The following KREMEN1 variants were observed in gnomAD, a reference collection of about 807,000 sequenced individuals.
The protein encoded by KREMEN1 is kremen protein 1.
A neutral mutation model predicts 46.5 loss-of-function variants in KREMEN1; 30 were observed. That is an observed-to-expected ratio of 0.65 (90% CI 0.48 to 0.88). KREMEN1 has a LOEUF of 0.88. Among genes scored for constraint, KREMEN1 ranks in the 40% least tolerant of loss-of-function variants. KREMEN1 has a pLI of 0.00. For synonymous variants in KREMEN1, 214 were observed against 230.6 expected (o/e 0.93, Z 0.65); for missense variants, 533 against 596.9 (o/e 0.89, Z 1.11).
chr22:29,143,242 C>T lies in KREMEN1; in HGVS notation c.*1130C>T. ...AGCTTTTATGGGCACTCAGTAAGTA[C>T]TCAGGATTGGCTTTATCAGCCTTGC... On this transcript the variant is annotated 3_prime_UTR_variant, in exon 9 of 9. Transcript: ENST00000400335. The T allele has an allele frequency of 2.0e-6, 2 of 985,452 alleles. No homozygotes were observed. The highest frequency in any genetic ancestry group is 2.4e-6 in the Non-Finnish European group (2 of 829,944). 61.0% of individuals were successfully genotyped at this position (985,452 alleles called of 1,614,324 possible).
At position 29,081,979 on chromosome 22, in the gene KREMEN1, T is replaced by C. The variant is rs115371301; in HGVS notation, c.97+8752T>C. 2.3e-3 allele frequency among the ~76,000 whole-genome samples: 352 copies of C among 152,326 alleles called. 3 individuals carry two copies. The highest frequency in any genetic ancestry group is 8.2e-3 in the African/African-American group (341 of 41,564). ...TGAAAAGCCCAGAGTCTGGCTTCCA[T>C]GGAGTATTGGCTGCCCTCCAGGACT... On this transcript the variant is annotated intron_variant, in intron 1 of 8. Transcript: ENST00000400335.
At chr22:29,109,351 C>T (rs2038108141) in intron 3 of KREMEN1, among the ~76,000 whole-genome samples, 1 of 152,124 alleles carries the variant, frequency 6.6e-6, no homozygotes, top group African/African-American at 2.4e-5. Context: ...GAAATAGCCC[C>T]TCAATCTTAT....
At chr22:29,148,578 C>T (rs549248677), downstream of KREMEN1, among the ~76,000 whole-genome samples, 691 of 151,844 alleles carry the variant, frequency 4.6e-3, 3 homozygotes, top group African/African-American at 8.5e-3. Context: ...CTCAGCCTCC[C>T]GGAGTAGCTG....
chr22:29,074,127 A>G (rs134596), intron 1 of KREMEN1, among the ~76,000 whole-genome samples: 112,584 of 152,210 alleles, frequency 0.74, 42,228 homozygotes, highest in African/African-American at 0.85. Context: ...GGCGGACATT[A>G]TAACTTCTGC....
chr22:29,143,404 G>C lies in KREMEN1; in HGVS notation c.*1292G>C. 1.0e-6 allele frequency: 1 copy of C among 985,330 alleles called. No individual in the cohort carries two copies. Among genetic ancestry groups the C allele is most frequent in the Non-Finnish European group, 1.2e-6 (1 of 829,990 alleles). 61.0% of individuals were successfully genotyped at this position (985,330 alleles called of 1,614,324 possible). A position where few individuals can be genotyped will look rare whatever the true frequency, so the allele number is the denominator to read the frequency against. ...TTAGGCAGCACTATATGAGACATGG[G>C]GCCTGTGGTCCTTCCTTCTGGTGTC... On this transcript the variant is annotated 3_prime_UTR_variant, in exon 9 of 9. Coordinates refer to ENST00000400335, the MANE Select transcript of KREMEN1 (RefSeq NM_001039570.3).
chr22:29,105,832 T>C (rs185211198), intron 3 of KREMEN1, among the ~76,000 whole-genome samples: 2 of 152,316 alleles, frequency 1.3e-5, no homozygotes, highest in African/African-American at 4.8e-5. Context: ...GCAGTTGCAC[T>C]TCTGCAATAC....
chr22:29,081,527 G>A (rs1020652125), intron 1 of KREMEN1, among the ~76,000 whole-genome samples: 2 of 152,120 alleles, frequency 1.3e-5, no homozygotes, highest in South Asian at 2.1e-4. Flanking sequence ...AACCCTAATC[G>A]AGCTTCATGG....
intron 3 of KREMEN1, among the ~76,000 whole-genome samples, chr22:29,115,932 G>A (rs1028687849): frequency 1.3e-5 from 2 of 152,186 alleles, no homozygotes; most frequent in African/African-American, 4.8e-5. Flanking sequence ...ACAGGTCATG[G>A]TGGTGGGAGA....
In KREMEN1 at chr22:29,143,383, G is replaced by T. The variant is rs1459711184; in HGVS notation, c.*1271G>T. ...ATCAATCTTGTGTTTTTGCCCTTAG[G>T]CAGCACTATATGAGACATGGGGCCT... On this transcript the variant is annotated 3_prime_UTR_variant, in exon 9 of 9. Coordinates refer to ENST00000400335, the MANE Select transcript of KREMEN1 (RefSeq NM_001039570.3). 22 of 985,262 alleles carry T rather than the reference G, an allele frequency of 2.2e-5. No individual in the cohort carries two copies. The highest frequency in any genetic ancestry group is 2.3e-5 in the Non-Finnish European group (19 of 829,960). 61.0% of individuals were successfully genotyped at this position (985,262 alleles called of 1,614,324 possible).
intron 3 of KREMEN1, among the ~76,000 whole-genome samples, chr22:29,105,098 C>T (rs1487729701): frequency 1.3e-5 from 2 of 152,090 alleles, no homozygotes; most frequent in African/African-American, 2.4e-5. Context: ...ATGCGAGATA[C>T]TCTATAATAA....
At chr22:29,123,174 C>T (rs146199387) in intron 4 of KREMEN1, among the ~76,000 whole-genome samples, 9 of 151,776 alleles carry the variant, frequency 5.9e-5, no homozygotes, top group South Asian at 4.2e-4. Flanking sequence ...ACCAAAAGCA[C>T]GACCCATCAT....
chr22:29,167,348 G>A, exon 10 of KREMEN1: 2 of 532,640 alleles, frequency 3.8e-6, no homozygotes, highest in South Asian at 2.4e-5. Flanking sequence ...AGCAGAGCGG[G>A]ACCTCGTCTC....
exon 10 of KREMEN1, chr22:29,167,272 T>C (rs531855708): frequency 8.7e-5 from 56 of 641,592 alleles, no homozygotes; most frequent in African/African-American, 4.9e-4. Context: ...GATGGGAGGA[T>C]TGCTTGAGCC....
At chr22:29,127,359 A>T (rs1259440292) in intron 5 of KREMEN1, among the ~76,000 whole-genome samples, 1 of 152,216 alleles carries the variant, frequency 6.6e-6, no homozygotes, top group Non-Finnish European at 1.5e-5. Flanking sequence ...AGTGTCAATT[A>T]AAAAATGGAA....
At chr22:29,123,042 A>G (rs1027743834) in intron 4 of KREMEN1, among the ~76,000 whole-genome samples, 1 of 152,050 alleles carries the variant, frequency 6.6e-6, no homozygotes, top group East Asian at 1.9e-4. Context: ...ACAAGACTAC[A>G]TACTGAACTC....
At chr22:29,098,032 T>C (rs937046800) in intron 2 of KREMEN1, among the ~76,000 whole-genome samples, 4 of 151,922 alleles carry the variant, frequency 2.6e-5, no homozygotes, top group African/African-American at 9.7e-5. Context: ...AAACAAAAAT[T>C]AGTCAGGCAT....
chr22:29,159,137 T>G (rs903914896), intron 9 of KREMEN1, among the ~76,000 whole-genome samples: 1 of 148,848 alleles, frequency 6.7e-6, no homozygotes, highest in Non-Finnish European at 1.5e-5. Flanking sequence ...TTTTTTTTTT[T>G]TTTTTTTTTT....
chr22:29,164,715 C>T (rs1383730039), intron 9 of KREMEN1, among the ~76,000 whole-genome samples: 1 of 129,502 alleles, frequency 7.7e-6, no homozygotes, highest in Non-Finnish European at 1.6e-5. Flanking sequence ...CACTGCACTC[C>T]AGCCTGGGCT....
Position 29,143,716 on chromosome 22 carries a change from T to C in KREMEN1, c.*1604T>C, listed in dbSNP as rs1359698164. On this transcript the variant is annotated 3_prime_UTR_variant, in exon 9 of 9. Transcript: ENST00000400335. The stretch of plus-strand genomic sequence containing the variant: ...GAGATCACGCCACTGCACTCCAGCC[T>C]GGGTGACAGTGCAAGACTCTGTCTC... 1.0e-6 allele frequency: 1 copy of C among 964,784 alleles called. No individual in the cohort carries two copies. Among genetic ancestry groups the C allele is most frequent in the African/African-American group, 1.8e-5 (1 of 55,448 alleles). The allele number at this position is 964,784 out of a possible 1,614,324, so 59.8% of individuals were successfully genotyped here.
Sources: gnomAD v4.1 joint callset for allele counts (sites outside exome capture counted in the v4.1 genomes callset) on GRCh38, gnomAD v4.1.1 for gene constraint, MANE v1.5 for transcripts, NCBI Gene and HGNC (gene_info 2026-07-23, HGNC 2026-07-21) for gene names.